Variants in PTPN11 observed in about 807,000 individuals in gnomAD.
PTPN11 encodes tyrosine-protein phosphatase non-receptor type 11.
In PTPN11, 6 loss-of-function variants were observed where a neutral mutation model predicts 78.8. The observed-to-expected ratio is 0.08, with a 90% confidence interval of 0.04 to 0.15. PTPN11 has a LOEUF of 0.15. Ranked by LOEUF, PTPN11 falls within the 10% of genes least tolerant of loss-of-function variation. PTPN11 has a pLI of 1.00. For missense variants in PTPN11, 386 were observed against 744.8 expected, an observed-to-expected ratio of 0.52 and a Z score of 5.61; for synonymous variants, 221 against 263.5, an observed-to-expected ratio of 0.84 and a Z score of 1.56.
chr12:112,483,391 T>C (rs1251175313), intron 10 of PTPN11, among the ~76,000 whole-genome samples: 1 of 152,190 alleles, frequency 6.6e-6, no homozygotes, highest in Non-Finnish European at 1.5e-5. Context: ...TGTCTCATTA[T>C]GTTGCCCAGG....
intron 10 of PTPN11, among the ~76,000 whole-genome samples, chr12:112,483,499 A>G (rs1267562904): frequency 6.6e-6 from 1 of 152,164 alleles, no homozygotes; most frequent in African/African-American, 2.4e-5. Flanking sequence ...CGGCCAAGGG[A>G]GGGGAGGTTC....
At chr12:112,447,655 A>G (rs776406982) in intron 2 of PTPN11, among the ~76,000 whole-genome samples, 10 of 151,972 alleles carry the variant, frequency 6.6e-5, no homozygotes, top group Non-Finnish European at 1.3e-4. Flanking sequence ...GCATGCCACC[A>G]TGCCCAGCTA....
At chr12:112,440,666 C>T (rs1416345910) in intron 1 of PTPN11, among the ~76,000 whole-genome samples, 7 of 146,296 alleles carry the variant, frequency 4.8e-5, no homozygotes, top group Non-Finnish European at 9.0e-5. Flanking sequence ...CTCCGCCTCC[C>T]GGGTTCAAGT....
intron 6 of PTPN11, among the ~76,000 whole-genome samples, chr12:112,466,965 GT>G (rs1592839237): frequency 6.6e-6 from 1 of 152,138 alleles, no homozygotes; most frequent in East Asian, 1.9e-4. Context: ...GGGTCCAGTG[GT>G]TTTCAATCCA....
chr12:112,448,360 G>C (rs999028162), intron 2 of PTPN11, among the ~76,000 whole-genome samples: 2 of 151,642 alleles, frequency 1.3e-5, no homozygotes, highest in Non-Finnish European at 2.9e-5. Flanking sequence ...ACAGCGCCTG[G>C]TGTACACTAC....
chr12:112,496,184 C>T (rs2038811849), intron 13 of PTPN11, among the ~76,000 whole-genome samples: 1 of 152,048 alleles, frequency 6.6e-6, no homozygotes. Flanking sequence ...ATCTATTTTT[C>T]TTGCTCAAAT....
intron 1 of PTPN11, among the ~76,000 whole-genome samples, chr12:112,425,322 C>T (rs1457044265): frequency 6.6e-6 from 1 of 151,856 alleles, no homozygotes; most frequent in African/African-American, 2.4e-5. Flanking sequence ...TTTTTTGTAG[C>T]CTTTTACTTA....
intron 6 of PTPN11, among the ~76,000 whole-genome samples, chr12:112,471,536 T>C (rs12423190): frequency 0.089 from 13,444 of 151,602 alleles, 648 homozygotes; most frequent in East Asian, 0.23. Context: ...AAAAAGAATA[T>C]AGATCACAGC....
chr12:112,494,273 G>A (rs2038788182), intron 13 of PTPN11, among the ~76,000 whole-genome samples: 1 of 152,118 alleles, frequency 6.6e-6, no homozygotes. Flanking sequence ...TTTGTTCCCT[G>A]TGCTTTTGGT....
chr12:112,455,514 C>T (rs1436365609), intron 5 of PTPN11, among the ~76,000 whole-genome samples: 2 of 152,192 alleles, frequency 1.3e-5, no homozygotes, highest in African/African-American at 2.4e-5. Context: ...GGATTATAGG[C>T]ATGAGCCACT....
rs1354643266 is a variant in PTPN11, at chr12:112,444,491, G to A, written c.15-1785G>A. On this transcript the variant is annotated intron_variant, in intron 1 of 15. Transcript: ENST00000351677. ...CAAGTAGCTGGGATTACAGGCACGC[G>A]CCACCACGCCCAACTAATTTTGTAT... Among the ~76,000 whole-genome samples the A allele has an allele frequency of 3.9e-5, 6 of 152,032 alleles. 1 individual carries two copies. The East Asian group carries it at 7.7e-4, about 20-fold the overall frequency.
chr12:112,464,767 C>G (rs2038301138), intron 6 of PTPN11, among the ~76,000 whole-genome samples: 1 of 152,044 alleles, frequency 6.6e-6, no homozygotes, highest in Admixed American at 6.6e-5. Context: ...ACTATCTTGC[C>G]CAGGCTGGAG....
rs1053768537 is a variant in PTPN11 at position 112,418,971 on chromosome 12, A to AG, written c.-135dup. ...CAGTCTCCGGGATCCCCAGGCCTGGAGGGGGGTCTGTGCGCGGCCGGCTGG... is the reference window on the plus strand; with the variant it reads ...CAGTCTCCGGGATCCCCAGGCCTGGAGGGGGGGTCTGTGCGCGGCCGGCTGG... On this transcript the variant is annotated 5_prime_UTR_variant, in exon 1 of 16. Coordinates refer to ENST00000351677, the MANE Select transcript of PTPN11 (RefSeq NM_002834.5). 18 of 1,004,532 alleles carry AG rather than the reference A, an allele frequency of 1.8e-5. No homozygotes were observed. Among genetic ancestry groups the AG allele is most frequent in the Middle Eastern group, 3.0e-4 (1 of 3,348 alleles). The allele number at this position is 1,004,532 out of a possible 1,614,324, so 62.2% of individuals were successfully genotyped here. A position where few individuals can be genotyped will look rare whatever the true frequency, so the allele number is the denominator to read the frequency against.
intron 1 of PTPN11, among the ~76,000 whole-genome samples, chr12:112,440,276 A>G (rs1266303700): frequency 1.3e-5 from 2 of 151,840 alleles, no homozygotes; most frequent in African/African-American, 4.8e-5. Flanking sequence ...TTCTGTCTCA[A>G]TTTTCCTTTT....
chr12:112,422,719 G>A (rs2037542642), intron 1 of PTPN11, among the ~76,000 whole-genome samples: 1 of 152,126 alleles, frequency 6.6e-6, no homozygotes, highest in Non-Finnish European at 1.5e-5. Flanking sequence ...CTTTATTAAC[G>A]TTAGGTCCTG....
At chr12:112,505,545 A>G (rs1014814319) in intron 15 of PTPN11, among the ~76,000 whole-genome samples, 1 of 150,540 alleles carries the variant, frequency 6.6e-6, no homozygotes, top group Non-Finnish European at 1.5e-5. Flanking sequence ...ATGGTGGTGC[A>G]TGCCTATAAT....
At chr12:112,444,895 G>A (rs1244088498) in intron 1 of PTPN11, among the ~76,000 whole-genome samples, 4 of 151,964 alleles carry the variant, frequency 2.6e-5, no homozygotes, top group African/African-American at 7.3e-5. Context: ...CTGCCCCAAC[G>A]CTGGGATCAG....
chr12:112,439,776 T>C (rs1341819993), intron 1 of PTPN11, among the ~76,000 whole-genome samples: 1 of 148,078 alleles, frequency 6.8e-6, no homozygotes, highest in Non-Finnish European at 1.5e-5. Context: ...GGCTGGATTG[T>C]CCTTTTTTAA....
In PTPN11 at chr12:112,507,331, T is replaced by A. The variant is rs2038947646; in HGVS notation, c.*1539T>A. 1 of 152,508 alleles carries A rather than the reference T, an allele frequency of 6.6e-6. No individual in the cohort carries two copies. Among genetic ancestry groups the A allele is most frequent in the Non-Finnish European group, 1.5e-5 (1 of 68,186 alleles). 9.4% of individuals were successfully genotyped at this position (152,508 alleles called of 1,614,324 possible). A position where few individuals can be genotyped will look rare whatever the true frequency, so the allele number is the denominator to read the frequency against. ...CCAGCACTTGGGGAAACTGATCTTGTGAGGATGGATGTGTTTAGGGACACA... is the reference window on the plus strand; with the variant it reads ...CCAGCACTTGGGGAAACTGATCTTGAGAGGATGGATGTGTTTAGGGACACA... On this transcript the variant is annotated 3_prime_UTR_variant, in exon 16 of 16. Transcript: ENST00000351677.
Sources: gnomAD v4.1 joint callset for allele counts (sites outside exome capture counted in the v4.1 genomes callset) on GRCh38, gnomAD v4.1.1 for gene constraint, MANE v1.5 for transcripts, NCBI Gene and HGNC (gene_info 2026-07-23, HGNC 2026-07-21) for gene names.